CLECL1: variants seen among roughly 807,000 people sequenced by gnomAD.
The protein encoded by CLECL1 is C-type lectin like 1.
Position 9,716,824 on chromosome 12 carries a change from A to G in CLECL1, n.153-48T>C, listed in dbSNP as rs945161263. On this transcript the variant is annotated intron_variant and non_coding_transcript_variant, in intron 2 of 2. Coordinates refer to the CLECL1 transcript ENST00000540988. ...AATAATGAGATATCATTCCCAAAACATTTGAGGCAAAACTACTGAATGGAT... is the reference window on the plus strand; with the variant it reads ...AATAATGAGATATCATTCCCAAAACGTTTGAGGCAAAACTACTGAATGGAT... 4 of 1,108,930 alleles carry G rather than the reference A, an allele frequency of 3.6e-6. No individual in the cohort carries two copies. The African/African-American group carries it at 6.5e-5, about 18-fold the overall frequency. 68.7% of individuals were successfully genotyped at this position (1,108,930 alleles called of 1,614,324 possible). A position where few individuals can be genotyped will look rare whatever the true frequency, so the allele number is the denominator to read the frequency against.
downstream of CLECL1, among the ~76,000 whole-genome samples, chr12:9,718,411 C>G (rs1866263413): frequency 6.6e-6 from 1 of 151,070 alleles, no homozygotes; most frequent in South Asian, 2.1e-4. Flanking sequence ...GTGTTTACAT[C>G]TCCAGCTACA....
intron 2 of CLECL1, among the ~76,000 whole-genome samples, chr12:9,716,971 C>A (rs969090043): frequency 2.6e-5 from 4 of 152,196 alleles, no homozygotes; most frequent in Non-Finnish European, 1.5e-5. Flanking sequence ...ACAGCTCCAG[C>A]AGGGTCTGAA....
chr12:9,726,439 G>C (rs1173759831), intron 3 of CLECL1, among the ~76,000 whole-genome samples: 1 of 151,876 alleles, frequency 6.6e-6, no homozygotes, highest in Non-Finnish European at 1.5e-5. Context: ...ATATTGCTAA[G>C]AATTCAGCAC....
At chr12:9,729,315 C>T (rs147363501) in intron 2 of CLECL1, among the ~76,000 whole-genome samples, 15 of 152,250 alleles carry the variant, frequency 9.9e-5, no homozygotes, top group African/African-American at 3.6e-4. Flanking sequence ...CAACATCAAA[C>T]TGCACCAGGC....
the CLECL1 span, among the ~76,000 whole-genome samples, chr12:9,704,336 G>T: frequency 2.0e-5 from 3 of 152,140 alleles, no homozygotes; most frequent in Non-Finnish European, 4.4e-5. Context: ...TTGTGAAAAT[G>T]TTGCTGCATT....
downstream of CLECL1, among the ~76,000 whole-genome samples, chr12:9,720,378 G>T (rs546497296): frequency 1.5e-5 from 2 of 131,430 alleles, no homozygotes; most frequent in Non-Finnish European, 3.2e-5. Flanking sequence ...TTTCGCTCTT[G>T]TTGCCCAGGC....
At chr12:9,733,296 T>A (rs777603186), upstream of CLECL1, 1 of 1,455,754 alleles carries the variant, frequency 6.9e-7, no homozygotes, top group Non-Finnish European at 9.5e-7. Context: ...GTTAGTTTTC[T>A]GCCTAAACTT....
At chr12:9,713,293 C>G (rs144661917), downstream of CLECL1, among the ~76,000 whole-genome samples, 1 of 152,228 alleles carries the variant, frequency 6.6e-6, no homozygotes, top group Non-Finnish European at 1.5e-5. Context: ...CTCAGTAAAA[C>G]GTGAAGGTTT....
At position 9,730,871 on chromosome 12, in the gene CLECL1, G is replaced by T. The variant is rs145685404; in HGVS notation, n.83-1195C>A. Among the ~76,000 whole-genome samples the T allele has an allele frequency of 2.5e-3, 378 of 151,996 alleles. 2 individuals carry two copies. Among genetic ancestry groups the T allele is most frequent in the African/African-American group, 8.6e-3 (357 of 41,454 alleles). On this transcript the variant is annotated intron_variant and non_coding_transcript_variant, in intron 1 of 3. Coordinates refer to ENST00000621400, the Ensembl canonical transcript of CLECL1. ...TGCTCGTTTTTAAAATTTTTGGTAGGCATGAGGTCTCTCTGTGTTGTCCAG... is the reference window on the plus strand; with the variant it reads ...TGCTCGTTTTTAAAATTTTTGGTAGTCATGAGGTCTCTCTGTGTTGTCCAG...
At chr12:9,703,305 T>C in the CLECL1 span, among the ~76,000 whole-genome samples, 1 of 152,156 alleles carries the variant, frequency 6.6e-6, no homozygotes, top group East Asian at 1.9e-4. Flanking sequence ...TTCATACTAC[T>C]GGAGGATATT....
At chr12:9,728,035 T>A (rs1866400478) in intron 2 of CLECL1, among the ~76,000 whole-genome samples, 1 of 151,866 alleles carries the variant, frequency 6.6e-6, no homozygotes, top group Non-Finnish European at 1.5e-5. Context: ...TTATATCAGG[T>A]GTCACCTGGT....
chr12:9,733,142 G>C (rs1323000089), upstream of CLECL1: 5 of 1,613,916 alleles, frequency 3.1e-6, no homozygotes, highest in Admixed American at 6.7e-5. Context: ...ATTTCCTTCT[G>C]CTCCCCAAGT....
At chr12:9,708,753 C>T in the CLECL1 span, 1 of 163,374 alleles carries the variant, frequency 6.1e-6, no homozygotes, top group Admixed American at 6.4e-5. Context: ...GTCAAGGTCA[C>T]TGGGTCTCAG....
At chr12:9,727,206 G>A (rs748805469) in intron 3 of CLECL1, among the ~76,000 whole-genome samples, 168 of 151,662 alleles carry the variant, frequency 1.1e-3, no homozygotes, top group African/African-American at 3.8e-3. Context: ...ATGTAATAAC[G>A]TTAAAAAATT....
intron 3 of CLECL1, among the ~76,000 whole-genome samples, chr12:9,726,990 TG>T (rs1263801963): frequency 2.6e-5 from 4 of 151,836 alleles, no homozygotes; most frequent in African/African-American, 9.7e-5. Flanking sequence ...AATTTGGACA[TG>T]GTAAGTCATT....
At chr12:9,719,350 C>A (rs1467306226), downstream of CLECL1, among the ~76,000 whole-genome samples, 1 of 152,078 alleles carries the variant, frequency 6.6e-6, no homozygotes, top group Non-Finnish European at 1.5e-5. Context: ...CATGGAGAAA[C>A]CCCGTCTCTA....
At chr12:9,719,132 G>T (rs770226715), downstream of CLECL1, among the ~76,000 whole-genome samples, 1 of 152,186 alleles carries the variant, frequency 6.6e-6, no homozygotes, top group African/African-American at 2.4e-5. Flanking sequence ...TGTGGGCTTT[G>T]AGTTAATCAT....
intron 1 of CLECL1, among the ~76,000 whole-genome samples, chr12:9,731,264 C>T (rs1008610): frequency 6.6e-6 from 1 of 151,978 alleles, no homozygotes; most frequent in Non-Finnish European, 1.5e-5. Context: ...TAATGCGATT[C>T]ATTTATTTAT....
chr12:9,715,113 C>G (rs759990486), downstream of CLECL1, among the ~76,000 whole-genome samples: 2 of 152,172 alleles, frequency 1.3e-5, no homozygotes, highest in African/African-American at 2.4e-5. Flanking sequence ...TGGAGCCAAA[C>G]AGGATCTTTT....
Sources: gnomAD v4.1 joint callset for allele counts (sites outside exome capture counted in the v4.1 genomes callset) on GRCh38, gnomAD v4.1.1 for gene constraint, MANE v1.5 for transcripts, NCBI Gene and HGNC (gene_info 2026-07-23, HGNC 2026-07-21) for gene names.